CCNE1: variants seen among roughly 807,000 people sequenced by gnomAD.
CCNE1 encodes G1/S-specific cyclin-E1.
In CCNE1, 8 loss-of-function variants were observed where a neutral mutation model predicts 54.1. The ratio of observed to expected loss-of-function variants is 0.15; its 90% CI spans 0.09 to 0.27. The LOEUF is 0.27. CCNE1 is among the 10% of genes least tolerant of loss of function. CCNE1 has a pLI of 1.00. For missense variants in CCNE1, 430 were observed against 514.9 expected, an observed-to-expected ratio of 0.84 and a Z score of 1.60; for synonymous variants, 179 against 185.2, an observed-to-expected ratio of 0.97 and a Z score of 0.27.
rs531123541 is a variant in CCNE1, at chr19:29,814,937, C to T, written c.180+1900C>T. ...GACTGTTACTTTTCAGAAAATAATC[C>T]TATGTAAGGAAAAAAGTGGTATGAG... On this transcript the variant is annotated intron_variant, in intron 4 of 11. Coordinates refer to ENST00000262643, the MANE Select transcript of CCNE1 (RefSeq NM_001238.4). Among the ~76,000 whole-genome samples, 13 of 152,254 alleles carry T rather than the reference C, an allele frequency of 8.5e-5. No individual in the cohort carries two copies. The East Asian group carries it at 2.3e-3, about 27-fold the overall frequency.
rs1184882206 is a variant in CCNE1 at position 29,812,042 on chromosome 19, C to G, written c.-135C>G. The G allele has an allele frequency of 6.8e-6, 1 of 147,840 alleles. No individual in the cohort carries two copies. 9.2% of individuals were successfully genotyped at this position (147,840 alleles called of 1,614,324 possible). On this transcript the variant is annotated 5_prime_UTR_variant, in exon 1 of 12. Transcript: ENST00000262643. ...CGGTGTAGGGGGCAGGCGCGGATCC[C>G]GCCACCGCCGCGCGCTCGGCCCGCC...
intron 1 of CCNE1, 32 bp from the exon 2 acceptor site, chr19:29,812,500 C>A: frequency 2.4e-6 from 3 of 1,263,238 alleles, no homozygotes; most frequent in Non-Finnish European, 3.0e-6. Context: ...CGGCCTGACC[C>A]CGCCGCCGCC....
intron 4 of CCNE1, among the ~76,000 whole-genome samples, chr19:29,815,086 C>T (rs751323990): frequency 6.6e-6 from 1 of 152,202 alleles, no homozygotes; most frequent in Non-Finnish European, 1.5e-5. Flanking sequence ...AATTATTCTA[C>T]CTCATCCACT....
chr19:29,817,239 C>T lies in CCNE1; in HGVS notation c.283C>T (p.Arg95Trp), dbSNP rs574899763. 7.4e-6 allele frequency: 12 copies of T among 1,614,192 alleles called. No individual in the cohort carries two copies. The highest frequency in any genetic ancestry group is 2.2e-5 in the South Asian group (2 of 91,080). The change falls in exon 5 of 12, where the codon CGG becomes TGG. Residue 95 changes from arginine (R) to tryptophan (W), a missense_variant. This residue lies in a region of CCNE1 where 303 missense variants were observed against 401.1 expected (regional missense o/e 0.76). Coordinates refer to ENST00000262643, the MANE Select transcript of CCNE1 (RefSeq NM_001238.4). Reference protein sequence around the residue: ...RVYPNSTCKPRIIAPSRGSPL... With the variant: ...RVYPNSTCKPWIIAPSRGSPL... Reference sequence around the variant, plus strand: ...TTACCCAAACTCAACGTGCAAGCCTCGGATTATTGCACCATCCAGAGGCTC... The same window carrying T: ...TTACCCAAACTCAACGTGCAAGCCTTGGATTATTGCACCATCCAGAGGCTC...
At position 29,817,116 on chromosome 19, in the gene CCNE1, C is replaced by T. The variant is rs777759310; in HGVS notation, c.181-21C>T. The T allele has an allele frequency of 4.9e-5, 79 of 1,612,242 alleles. 1 individual carries two copies. The Middle Eastern group carries it at 3.6e-3, about 74-fold the overall frequency. On this transcript the variant is annotated intron_variant, in intron 4 of 11. Coordinates refer to ENST00000262643, the MANE Select transcript of CCNE1 (RefSeq NM_001238.4). ...CTGTTTGCATCTTATCTCACCTCTCCTGTGTATTTTTCATTTACAGCCTTG... is the reference window on the plus strand; with the variant it reads ...CTGTTTGCATCTTATCTCACCTCTCTTGTGTATTTTTCATTTACAGCCTTG...
At position 29,817,118 on chromosome 19, in the gene CCNE1, G is replaced by A. The variant is rs200391933; in HGVS notation, c.181-19G>A. On this transcript the variant is annotated intron_variant, in intron 4 of 11. Transcript: ENST00000262643. ...GTTTGCATCTTATCTCACCTCTCCT[G>A]TGTATTTTTCATTTACAGCCTTGGG... is the stretch of plus-strand genomic sequence containing the variant. The A allele has an allele frequency of 1.9e-6, 3 of 1,612,666 alleles. No homozygotes were observed. The highest frequency in any genetic ancestry group is 2.2e-5 in the East Asian group (1 of 44,862).
At chr19:29,821,621 C>T in intron 7 of CCNE1, 101 bp from the exon 8 acceptor site, 2 of 418,878 alleles carry the variant, frequency 4.8e-6, no homozygotes, top group South Asian at 4.2e-5. Flanking sequence ...CGCCCTCTCT[C>T]TTTCCATGCC....
At chr19:29,822,941 C>A (rs1974186839) in intron 11 of CCNE1, among the ~76,000 whole-genome samples, 1 of 125,280 alleles carries the variant, frequency 8.0e-6, no homozygotes, top group Non-Finnish European at 1.6e-5. Flanking sequence ...GAAACTATGT[C>A]TCAAAAAAAA....
intron 7 of CCNE1, 140 bp downstream of exon 7, chr19:29,820,988 T>G (rs1467481035): frequency 4.8e-6 from 3 of 621,700 alleles, no homozygotes; most frequent in Non-Finnish European, 8.2e-6. Flanking sequence ...TTAAGACACA[T>G]GCCAAAAAGA....
intron 6 of CCNE1, among the ~76,000 whole-genome samples, chr19:29,819,009 C>T (rs1266233134): frequency 6.6e-6 from 1 of 152,018 alleles, no homozygotes; most frequent in African/African-American, 2.4e-5. Context: ...GTGATCCGCC[C>T]GCCTTGGCCT....
Position 29,812,855 on chromosome 19 carries a change from G to T in CCNE1, c.111+79G>T, listed in dbSNP as rs1210738454. ...CCGACTTGGCTCTGCCTACGGGGGCGGGGGTCCCTTGGGCAGGAACGGAGC... is the reference window on the plus strand; with the variant it reads ...CCGACTTGGCTCTGCCTACGGGGGCTGGGGTCCCTTGGGCAGGAACGGAGC... On this transcript the variant is annotated intron_variant, in intron 3 of 11. Coordinates refer to ENST00000262643, the MANE Select transcript of CCNE1 (RefSeq NM_001238.4). 4 of 1,582,882 alleles carry T rather than the reference G, an allele frequency of 2.5e-6. No homozygotes were observed. In the African/African-American group the frequency reaches 4.0e-5, roughly 16 times the overall value.
At chr19:29,815,290 C>A (rs560466410) in intron 4 of CCNE1, among the ~76,000 whole-genome samples, 1 of 152,326 alleles carries the variant, frequency 6.6e-6, no homozygotes. Context: ...CAACTTACAG[C>A]GGTTGTAATG....
At chr19:29,819,333 A>C in intron 6 of CCNE1, among the ~76,000 whole-genome samples, 1 of 148,846 alleles carries the variant, frequency 6.7e-6, no homozygotes, top group South Asian at 2.3e-4. Flanking sequence ...CCCAAGCTGG[A>C]GTGTAGTGGT....
chr19:29,822,810 G>C (rs1974182560), intron 11 of CCNE1, among the ~76,000 whole-genome samples: 2 of 152,102 alleles, frequency 1.3e-5, no homozygotes. Flanking sequence ...CGGCTATGGT[G>C]GTGGGCACCT....
At chr19:29,814,046 G>A (rs911936027) in intron 4 of CCNE1, among the ~76,000 whole-genome samples, 2 of 152,182 alleles carry the variant, frequency 1.3e-5, no homozygotes, top group African/African-American at 4.8e-5. Flanking sequence ...CTAAATAGCA[G>A]TTGTCACTGC....
intron 4 of CCNE1, 142 bp downstream of exon 4, chr19:29,813,179 A>G (rs936362639): frequency 1.4e-6 from 1 of 711,030 alleles, no homozygotes; most frequent in East Asian, 2.7e-5. Context: ...ATGGCCCAGC[A>G]CTGTACCTGT....
intron 6 of CCNE1, among the ~76,000 whole-genome samples, chr19:29,820,074 A>G (rs1466589245): frequency 6.6e-6 from 1 of 152,360 alleles, no homozygotes; most frequent in Non-Finnish European, 1.5e-5. Context: ...TATTCAGTCA[A>G]ATAAGGGCTG....
chr19:29,816,359 A>C (rs912737470), intron 4 of CCNE1, among the ~76,000 whole-genome samples: 1 of 152,218 alleles, frequency 6.6e-6, no homozygotes, highest in African/African-American at 2.4e-5. Context: ...TTGAATACAT[A>C]TCTGAAACCT....
At chr19:29,815,058 A>G (rs983312056) in intron 4 of CCNE1, among the ~76,000 whole-genome samples, 1 of 152,152 alleles carries the variant, frequency 6.6e-6, no homozygotes, top group Admixed American at 6.5e-5. Context: ...CTTGGTGTAC[A>G]CTCAAGGACA....
Sources: allele counts gnomAD v4.1 joint callset (sites outside exome capture counted in the v4.1 genomes callset), GRCh38; gene constraint gnomAD v4.1.1; regional missense constraint gnomAD v4.1.1; transcripts MANE v1.5; gene names NCBI Gene and HGNC (gene_info 2026-07-23, HGNC 2026-07-21).